RBFOX1: variants seen among roughly 807,000 people sequenced by gnomAD.
The protein encoded by RBFOX1 is RNA binding fox-1 homolog 1, also known as RNA binding protein fox-1 homolog 1.
In RBFOX1, 8 loss-of-function variants were observed where a neutral mutation model predicts 57.7. The ratio of observed to expected loss-of-function variants is 0.14; its 90% CI spans 0.08 to 0.25. RBFOX1 has a LOEUF of 0.25. RBFOX1 is among the 10% of genes least tolerant of loss of function. The pLI is 1.00. For synonymous variants in RBFOX1, 326 were observed against 222.4 expected (o/e 1.47, Z -4.15); for missense variants, 611 against 548.5 (o/e 1.11, Z -1.14).
chr16:6,207,354 C>G (rs966635114), intron 1 of RBFOX1, among the ~76,000 whole-genome samples: 1 of 152,094 alleles, frequency 6.6e-6, no homozygotes, highest in East Asian at 1.9e-4. Context: ...ATCTAGCAGC[C>G]AAAAGGTTGC....
At chr16:7,068,561 C>G (rs917119460) in intron 4 of RBFOX1, among the ~76,000 whole-genome samples, 1 of 152,144 alleles carries the variant, frequency 6.6e-6, no homozygotes, top group Non-Finnish European at 1.5e-5. Context: ...CATAATAGTA[C>G]TGACTCTTTG....
intron 3 of RBFOX1, among the ~76,000 whole-genome samples, chr16:5,637,257 C>T (rs2108999): frequency 4.6e-5 from 7 of 152,076 alleles, no homozygotes; most frequent in African/African-American, 1.4e-4. Flanking sequence ...AGGCTTTGGG[C>T]CATCGTACAA....
At chr16:6,399,211 C>T (rs1049774810) in intron 2 of RBFOX1, among the ~76,000 whole-genome samples, 1 of 152,234 alleles carries the variant, frequency 6.6e-6, no homozygotes, top group Admixed American at 6.5e-5. Context: ...GCAGGGTGGC[C>T]CTGGGCCTGG....
At chr16:7,622,746 A>T (rs2059501584) in intron 10 of RBFOX1, among the ~76,000 whole-genome samples, 1 of 152,212 alleles carries the variant, frequency 6.6e-6, no homozygotes. Context: ...GTACAATTAA[A>T]ACATGATTTG....
intron 1 of RBFOX1, among the ~76,000 whole-genome samples, chr16:6,285,533 T>C (rs1337649971): frequency 6.6e-6 from 1 of 152,200 alleles, no homozygotes; most frequent in Non-Finnish European, 1.5e-5. Context: ...GCTGATTCCA[T>C]GCACAAGGAG....
rs2096255683 is a variant in RBFOX1, at chr16:6,097,202, G to A, written c.-127+77210G>A. Among the ~76,000 whole-genome samples the A allele has an allele frequency of 6.6e-6, 1 of 152,158 alleles. No homozygotes were observed. On this transcript the variant is annotated intron_variant, in intron 1 of 15. Transcript: ENST00000550418. The surrounding 1 kb of genome is among the most constrained non-coding windows in gnomAD (Gnocchi z 5.0). ...GACTTTCGCTTTCTGCCATGATTGT[G>A]AGGCCTCCGTAGCCATGTGGAACTG...
intron 2 of RBFOX1, among the ~76,000 whole-genome samples, chr16:6,563,920 A>G (rs565711225): frequency 4.9e-4 from 75 of 151,856 alleles, no homozygotes; most frequent in African/African-American, 1.8e-3. Flanking sequence ...GTGTGTGTAT[A>G]TATATATATC....
intron 3 of RBFOX1, among the ~76,000 whole-genome samples, chr16:6,993,472 G>C (rs182884900): frequency 9.5e-4 from 145 of 152,216 alleles, no homozygotes; most frequent in African/African-American, 3.3e-3. Context: ...AAGGGGAGAT[G>C]GGGAAAGCCA....
chr16:6,789,072 T>C (rs983431366), intron 3 of RBFOX1, among the ~76,000 whole-genome samples: 1 of 152,130 alleles, frequency 6.6e-6, no homozygotes, highest in African/African-American at 2.4e-5. Flanking sequence ...AAATTGCCTA[T>C]TAAACAGGGA....
chr16:7,224,385 A>G (rs928820990), intron 4 of RBFOX1, among the ~76,000 whole-genome samples: 6 of 152,220 alleles, frequency 3.9e-5, no homozygotes, highest in African/African-American at 1.4e-4. Flanking sequence ...AATTCTGCCC[A>G]TGCAAATTAG....
At chr16:5,359,878 T>G (rs2065495084) in intron 1 of RBFOX1, among the ~76,000 whole-genome samples, 1 of 152,234 alleles carries the variant, frequency 6.6e-6, no homozygotes, top group African/African-American at 2.4e-5. Flanking sequence ...ATGGGGATGC[T>G]GAAGTGCGTG....
intron 2 of RBFOX1, among the ~76,000 whole-genome samples, chr16:6,420,210 G>GA (rs528638764): frequency 1.9e-3 from 296 of 152,114 alleles, no homozygotes; most frequent in Middle Eastern, 0.014. Context: ...AGCAGAGCCT[G>GA]AAAAAAATGT....
intron 2 of RBFOX1, among the ~76,000 whole-genome samples, chr16:6,331,748 AT>A (rs1176823531): frequency 7.0e-6 from 1 of 142,024 alleles, no homozygotes; most frequent in Admixed American, 7.4e-5. Flanking sequence ...AAATCATGCA[AT>A]TTTTTTTGTT....
chr16:6,747,062 C>G (rs1261504106), intron 3 of RBFOX1, among the ~76,000 whole-genome samples: 1 of 152,138 alleles, frequency 6.6e-6, no homozygotes, highest in African/African-American at 2.4e-5. Flanking sequence ...TGCAGAACCC[C>G]TCACGGTACC....
chr16:7,460,370 A>AAAATATATAT (rs1251870828), intron 4 of RBFOX1, among the ~76,000 whole-genome samples: 3 of 76,034 alleles, frequency 3.9e-5, no homozygotes, highest in African/African-American at 6.8e-5. Context: ...CATTTAGCAA[A>AAAATATATAT]ATATATATAT....
At chr16:6,767,465 T>C (rs147762107) in intron 3 of RBFOX1, among the ~76,000 whole-genome samples, 41 of 152,322 alleles carry the variant, frequency 2.7e-4, no homozygotes, top group African/African-American at 8.2e-4. Flanking sequence ...TTTTCACTTA[T>C]GTGAACGAAT....
chr16:5,445,746 C>T (rs917522950), intron 1 of RBFOX1, among the ~76,000 whole-genome samples: 8 of 152,194 alleles, frequency 5.3e-5, no homozygotes, highest in Non-Finnish European at 1.5e-5. Context: ...TTTAACTCAG[C>T]TAATTTGGAT....
At chr16:5,542,875 G>A (rs1408606387) in intron 2 of RBFOX1, among the ~76,000 whole-genome samples, 1 of 152,166 alleles carries the variant, frequency 6.6e-6, no homozygotes, top group Non-Finnish European at 1.5e-5. Context: ...ACATAATTCA[G>A]CAGTTAGAAA....
intron 3 of RBFOX1, among the ~76,000 whole-genome samples, chr16:5,625,406 C>G (rs1193232860): frequency 1.3e-5 from 2 of 152,104 alleles, no homozygotes; most frequent in African/African-American, 4.8e-5. Flanking sequence ...AGAACGTGGC[C>G]ATGGGTCACA....
Sources: gnomAD v4.1 joint callset for allele counts (sites outside exome capture counted in the v4.1 genomes callset) on GRCh38, gnomAD v4.1.1 for gene constraint, Gnocchi (gnomAD v3.1) non-coding constraint, MANE v1.5 for transcripts, NCBI Gene and HGNC (gene_info 2026-07-23, HGNC 2026-07-21) for gene names.